Variants in RALGPS2 observed in about 807,000 individuals in gnomAD.
RALGPS2 encodes the protein Ral GEF with PH domain and SH3 binding motif 2.
In RALGPS2, 43 loss-of-function variants were observed where a neutral mutation model predicts 86.8. The ratio of observed to expected loss-of-function variants is 0.50; its 90% CI spans 0.39 to 0.64. The LOEUF (loss-of-function observed/expected upper bound fraction) is 0.64. RALGPS2 is among the 30% of genes least tolerant of loss of function. The pLI is 0.00. For synonymous variants in RALGPS2, 243 were observed against 231.3 expected (o/e 1.05, Z -0.46); for missense variants, 536 against 694.6 (o/e 0.77, Z 2.57).
chr1:178,902,070 T>C, intron 17 of RALGPS2, 36 bp from the exon 18 acceptor site: 1 of 1,504,930 alleles, frequency 6.6e-7, no homozygotes, highest in East Asian at 2.3e-5. Flanking sequence ...AAACCATAAA[T>C]TTTCTGTTTC....
chr1:178,772,991 C>T (rs538786435), intron 1 of RALGPS2, among the ~76,000 whole-genome samples: 6 of 152,156 alleles, frequency 3.9e-5, no homozygotes, highest in South Asian at 2.1e-4. Context: ...TTAATGGAGA[C>T]GGGGTTTCAC....
chr1:178,883,530 G>T lies in RALGPS2; in HGVS notation c.901G>T (p.Val301Leu). ...PRSAASREDL[V>L]GPEVGASPQS... ...TTCTGCTGCTTCCAGAGAAGATTTA[G>T]TAGGTCAGTACGTAGTTTTCTCTTG... The change falls in exon 11 of 20, where the codon GTA becomes TTA. Residue 301 changes from valine (V) to leucine (L), a missense_variant. This residue lies in a region of RALGPS2 where 309 missense variants were observed against 363.0 expected (regional missense o/e 0.85). Coordinates refer to ENST00000367635, the MANE Select transcript of RALGPS2 (RefSeq NM_152663.5). 1 of 1,609,048 alleles carries T rather than the reference G, an allele frequency of 6.2e-7. No individual in the cohort carries two copies. The highest frequency in any genetic ancestry group is 8.5e-7 in the Non-Finnish European group (1 of 1,175,478).
At chr1:178,905,268 T>C (rs1165586666) in intron 18 of RALGPS2, among the ~76,000 whole-genome samples, 1 of 152,214 alleles carries the variant, frequency 6.6e-6, no homozygotes, top group Non-Finnish European at 1.5e-5. Context: ...GATGAGAGCA[T>C]TTTCATTGGA....
intron 19 of RALGPS2, among the ~76,000 whole-genome samples, chr1:178,908,686 A>G (rs1370212333): frequency 6.6e-6 from 1 of 152,142 alleles, no homozygotes; most frequent in Non-Finnish European, 1.5e-5. Context: ...CCGTTTTTCA[A>G]ATGCTTGTTG....
intron 2 of RALGPS2, among the ~76,000 whole-genome samples, chr1:178,781,490 C>T (rs549625627): frequency 1.1e-3 from 167 of 152,244 alleles, no homozygotes; most frequent in South Asian, 3.1e-3. Flanking sequence ...TGAATTATTG[C>T]TATTCTCCTG....
chr1:178,780,636 A>G (rs1023913209), intron 2 of RALGPS2, among the ~76,000 whole-genome samples: 1 of 152,180 alleles, frequency 6.6e-6, no homozygotes, highest in African/African-American at 2.4e-5. Flanking sequence ...ATGAGAGAAT[A>G]CTACATTTGC....
intron 1 of RALGPS2, among the ~76,000 whole-genome samples, chr1:178,751,244 G>A (rs952028809): frequency 5.3e-5 from 8 of 151,646 alleles, no homozygotes; most frequent in Admixed American, 2.6e-4. Flanking sequence ...GCATTTCCTC[G>A]TGCCAGGATT....
intron 16 of RALGPS2, among the ~76,000 whole-genome samples, chr1:178,894,617 A>G (rs561344340): frequency 6.6e-6 from 1 of 152,198 alleles, no homozygotes; most frequent in South Asian, 2.1e-4. Flanking sequence ...TCAGAACAAC[A>G]CATGATTTTA....
chr1:178,784,365 CA>C, intron 2 of RALGPS2, 52 bp from the exon 3 acceptor site: 1 of 1,383,818 alleles, frequency 7.2e-7, no homozygotes, highest in South Asian at 1.4e-5. Context: ...TAGTTTCTAT[CA>C]CTTGATTGTG....
chr1:178,834,004 C>G (rs761489563), intron 8 of RALGPS2, among the ~76,000 whole-genome samples: 1 of 152,102 alleles, frequency 6.6e-6, no homozygotes, highest in Admixed American at 6.6e-5. Flanking sequence ...AATTTAGCTT[C>G]GTGCTGAGAC....
At chr1:178,861,992 C>T (rs910005867) in intron 8 of RALGPS2, among the ~76,000 whole-genome samples, 10 of 152,066 alleles carry the variant, frequency 6.6e-5, no homozygotes, top group African/African-American at 2.4e-4. Context: ...CCTGCCTCAG[C>T]CTCCTGAATA....
chr1:178,775,201 G>C (rs995849162), intron 1 of RALGPS2, among the ~76,000 whole-genome samples: 1 of 152,192 alleles, frequency 6.6e-6, no homozygotes, highest in South Asian at 2.1e-4. Context: ...TATGAAGTAG[G>C]TACTTATTAT....
At chr1:178,907,364 G>A (rs1017845573) in intron 19 of RALGPS2, among the ~76,000 whole-genome samples, 3 of 152,056 alleles carry the variant, frequency 2.0e-5, no homozygotes, top group Admixed American at 6.6e-5. Context: ...AAAATTAGAT[G>A]GCATATTAAA....
intron 1 of RALGPS2, among the ~76,000 whole-genome samples, chr1:178,757,064 C>G (rs750474652): frequency 7.2e-5 from 11 of 152,092 alleles, no homozygotes; most frequent in Non-Finnish European, 1.2e-4. Context: ...GTTGTTGATT[C>G]TATTGTAAAT....
At chr1:178,876,478 G>A (rs965575556) in intron 8 of RALGPS2, among the ~76,000 whole-genome samples, 2 of 152,130 alleles carry the variant, frequency 1.3e-5, no homozygotes, top group East Asian at 1.9e-4. Flanking sequence ...CTTGGAATCT[G>A]TGAGAAAACT....
chr1:178,791,609 T>G (rs1039451066), intron 4 of RALGPS2, among the ~76,000 whole-genome samples: 1 of 152,224 alleles, frequency 6.6e-6, no homozygotes, highest in Non-Finnish European at 1.5e-5. Flanking sequence ...GTCTCAGCTT[T>G]CAATAATGTA....
In RALGPS2 at chr1:178,732,797, T is replaced by A. The variant is rs543012052; in HGVS notation, c.-84+7378T>A. Among the ~76,000 whole-genome samples, 11 of 152,124 alleles carry A rather than the reference T, an allele frequency of 7.2e-5. No homozygotes were observed. In the South Asian group the frequency reaches 8.3e-4, roughly 11 times the overall value. ...AGTGCTTTTTCTTTGCAGGTAGAGA[T>A]CATCTTTTCCATTAATCTGTTAATA... On this transcript the variant is annotated intron_variant, in intron 1 of 19. Coordinates refer to ENST00000367635, the MANE Select transcript of RALGPS2 (RefSeq NM_152663.5).
At chr1:178,771,319 C>T (rs549366374) in intron 1 of RALGPS2, among the ~76,000 whole-genome samples, 59 of 152,298 alleles carry the variant, frequency 3.9e-4, no homozygotes, top group African/African-American at 1.4e-3. Context: ...AATAGTTCTT[C>T]AGCCTTTCTC....
intron 1 of RALGPS2, among the ~76,000 whole-genome samples, chr1:178,751,399 A>T (rs76342308): frequency 0.025 from 3,766 of 152,256 alleles, 152 homozygotes; most frequent in African/African-American, 0.086. Context: ...CAAATGAAAC[A>T]AATAGGGACA....
Sources: gnomAD v4.1 joint callset for allele counts (sites outside exome capture counted in the v4.1 genomes callset) on GRCh38, gnomAD v4.1.1 for gene constraint, gnomAD v4.1.1 regional missense constraint, MANE v1.5 for transcripts, NCBI Gene and HGNC (gene_info 2026-07-23, HGNC 2026-07-21) for gene names.